The following ZRANB3 variants were observed in gnomAD, a reference collection of about 807,000 sequenced individuals.
ZRANB3 encodes zinc finger RANBP2-type containing 3.
A neutral mutation model predicts 133.8 loss-of-function variants in ZRANB3; 125 were observed. That is an observed-to-expected ratio of 0.93 (90% CI 0.81 to 1.08). The LOEUF is 1.08. Among genes scored for constraint, ZRANB3 ranks in the 50% least tolerant of loss-of-function variants. The pLI is 0.00. For missense variants in ZRANB3, 1,229 were observed against 1,275.5 expected (o/e 0.96, Z 0.56); for synonymous variants, 387 against 432.7 (o/e 0.89, Z 1.31).
intron 2 of ZRANB3, among the ~76,000 whole-genome samples, chr2:135,481,733 GT>G (rs1298195575): frequency 1.3e-5 from 2 of 150,762 alleles, no homozygotes; most frequent in Non-Finnish European, 2.9e-5. Flanking sequence ...TTCTTCTAGG[GT>G]TTTTATGGTT....
chr2:135,507,854 C>T (rs1693263255), intron 1 of ZRANB3, among the ~76,000 whole-genome samples: 1 of 151,820 alleles, frequency 6.6e-6, no homozygotes, highest in South Asian at 2.1e-4. Context: ...ACTTGGGAGG[C>T]TTCAGAGGAC....
At chr2:135,249,968 C>T (rs1209738615) in intron 12 of ZRANB3, among the ~76,000 whole-genome samples, 2 of 152,096 alleles carry the variant, frequency 1.3e-5, no homozygotes, top group Non-Finnish European at 2.9e-5. Context: ...GGGTAACAGG[C>T]AGAGACTGGA....
intron 2 of ZRANB3, among the ~76,000 whole-genome samples, chr2:135,393,745 A>C (rs1687350288): frequency 6.6e-6 from 1 of 152,226 alleles, no homozygotes; most frequent in African/African-American, 2.4e-5. Context: ...AGAAAGAAAG[A>C]ACAATTATCC....
chr2:135,407,783 A>G (rs1304235182), intron 2 of ZRANB3, among the ~76,000 whole-genome samples: 4 of 147,664 alleles, frequency 2.7e-5, no homozygotes, highest in South Asian at 2.2e-4. Flanking sequence ...TAGAAAGCTG[A>G]AACTGGATCC....
At chr2:135,526,538 CAGG>C (rs1694170943) in intron 1 of ZRANB3, among the ~76,000 whole-genome samples, 2 of 152,236 alleles carry the variant, frequency 1.3e-5, no homozygotes, top group Admixed American at 1.3e-4. Flanking sequence ...AAATTCTCAT[CAGG>C]GGGGTTTTAT....
chr2:135,319,772 A>T (rs927392641), intron 6 of ZRANB3, among the ~76,000 whole-genome samples: 2 of 152,192 alleles, frequency 1.3e-5, no homozygotes, highest in African/African-American at 2.4e-5. Context: ...ACCTAACTAA[A>T]TACATAAATA....
chr2:135,386,955 C>T lies in ZRANB3; in HGVS notation c.180+3847G>A, dbSNP rs547908329. Reference sequence around the variant, plus strand: ...TGTATACCTATGTAACAAACCTGCACGTTTTGCGCAGGTACCCTAGATCTT... The same window carrying T: ...TGTATACCTATGTAACAAACCTGCATGTTTTGCGCAGGTACCCTAGATCTT... On this transcript the variant is annotated intron_variant, in intron 3 of 20. Coordinates refer to ENST00000264159, the MANE Select transcript of ZRANB3 (RefSeq NM_032143.4). Among the ~76,000 whole-genome samples the T allele has an allele frequency of 2.3e-4, 34 of 148,336 alleles. No individual in the cohort carries two copies. The South Asian group carries it at 6.0e-3, about 26-fold the overall frequency.
At chr2:135,275,133 G>A (rs1338097188) in intron 9 of ZRANB3, among the ~76,000 whole-genome samples, 1 of 151,964 alleles carries the variant, frequency 6.6e-6, no homozygotes, top group Non-Finnish European at 1.5e-5. Context: ...TCAATGAGCT[G>A]TTGGGTACAC....
chr2:135,466,121 G>A (rs774441681), intron 2 of ZRANB3, among the ~76,000 whole-genome samples: 44 of 152,126 alleles, frequency 2.9e-4, no homozygotes, highest in Admixed American at 2.3e-3. Context: ...GGTGGCTCAC[G>A]CCTATAATCC....
chr2:135,401,143 G>C (rs1432788743), intron 2 of ZRANB3, among the ~76,000 whole-genome samples: 1 of 152,152 alleles, frequency 6.6e-6, no homozygotes, highest in African/African-American at 2.4e-5. Context: ...TTAGGGTAGT[G>C]TGGAATTGAG....
At chr2:135,445,113 C>T (rs1689958615) in intron 2 of ZRANB3, among the ~76,000 whole-genome samples, 1 of 152,036 alleles carries the variant, frequency 6.6e-6, no homozygotes, top group African/African-American at 2.4e-5. Flanking sequence ...GGAGAATATG[C>T]AGTCAAGAGT....
At chr2:135,480,977 G>A (rs1691769560) in intron 2 of ZRANB3, among the ~76,000 whole-genome samples, 1 of 150,644 alleles carries the variant, frequency 6.6e-6, no homozygotes, top group African/African-American at 2.5e-5. Flanking sequence ...GTATTCCATG[G>A]TGTATATGTG....
In ZRANB3 at chr2:135,275,770, G is replaced by T. The variant is rs756694196; in HGVS notation, c.967-15C>A. 1.3e-6 allele frequency: 2 copies of T among 1,522,244 alleles called. No homozygotes were observed. Among genetic ancestry groups the T allele is most frequent in the Non-Finnish European group, 1.8e-6 (2 of 1,130,846 alleles). 94.3% of individuals were successfully genotyped at this position (1,522,244 alleles called of 1,614,324 possible). ...ACAGCACCTGCCTAAATATTAAAAG[G>T]TAAACCTTATTAGTGTCATAAAAAT... On this transcript the variant is annotated splice_polypyrimidine_tract_variant and intron_variant, in intron 8 of 20. Coordinates refer to ENST00000264159, the MANE Select transcript of ZRANB3 (RefSeq NM_032143.4).
At chr2:135,480,395 T>C (rs1166924893) in intron 2 of ZRANB3, among the ~76,000 whole-genome samples, 1 of 152,066 alleles carries the variant, frequency 6.6e-6, no homozygotes, top group Non-Finnish European at 1.5e-5. Context: ...AAAAATTCAA[T>C]CTAGTCAGCC....
intron 6 of ZRANB3, chr2:135,345,008 G>A (rs888731240): frequency 2.0e-5 from 3 of 152,126 alleles, no homozygotes; most frequent in Non-Finnish European, 4.4e-5. Context: ...AGACAAGAGT[G>A]GAAGAAACAC....
chr2:135,304,232 A>G (rs759615857), intron 8 of ZRANB3, among the ~76,000 whole-genome samples: 1 of 152,158 alleles, frequency 6.6e-6, no homozygotes, highest in Non-Finnish European at 1.5e-5. Context: ...GTTAGATGTA[A>G]GTTTTCATAA....
chr2:135,344,395 T>C (rs933215675), intron 6 of ZRANB3, among the ~76,000 whole-genome samples: 2 of 152,152 alleles, frequency 1.3e-5, no homozygotes, highest in Non-Finnish European at 2.9e-5. Context: ...CCAATAAGAG[T>C]AGACTGCATA....
At chr2:135,407,266 G>A (rs1043657715) in intron 2 of ZRANB3, among the ~76,000 whole-genome samples, 11 of 132,548 alleles carry the variant, frequency 8.3e-5, no homozygotes, top group African/African-American at 3.6e-4. Flanking sequence ...AACTTACAAG[G>A]GACATGAAGG....
rs1201539514 is a variant in ZRANB3, at chr2:135,197,669, C to T, written c.*2673G>A. 2.0e-5 allele frequency: 3 copies of T among 152,292 alleles called. No homozygotes were observed. The East Asian group carries it at 5.8e-4, about 29-fold the overall frequency. The allele number at this position is 152,292 out of a possible 1,614,324, so 9.4% of individuals were successfully genotyped here. ...GACGGGAACAGGAAGGCAGGCCAGC[C>T]TGATGCTGGCTGTGCAAGGTTTGAG... On this transcript the variant is annotated 3_prime_UTR_variant, in exon 21 of 21. Transcript: ENST00000264159.
Sources: allele counts gnomAD v4.1 joint callset (sites outside exome capture counted in the v4.1 genomes callset), GRCh38; gene constraint gnomAD v4.1.1; transcripts MANE v1.5; gene names NCBI Gene and HGNC (gene_info 2026-07-23, HGNC 2026-07-21).